Variants in RSPO2 observed in about 807,000 individuals in gnomAD.
RSPO2 encodes the protein R-spondin 2.
In RSPO2, 14 loss-of-function variants were observed where a neutral mutation model predicts 30.9. The ratio of observed to expected loss-of-function variants is 0.45; its 90% CI spans 0.30 to 0.71. The LOEUF (loss-of-function observed/expected upper bound fraction) is 0.71. Among genes scored for constraint, RSPO2 ranks in the 30% least tolerant of loss-of-function variants. The pLI, the probability that RSPO2 is intolerant of heterozygous loss-of-function variation, is 0.08. For missense variants in RSPO2, 264 were observed against 301.9 expected, an observed-to-expected ratio of 0.87 and a Z score of 0.93; for synonymous variants, 107 against 96.4, an observed-to-expected ratio of 1.11 and a Z score of -0.64.
At chr8:107,991,542 A>C (rs1814848971) in intron 2 of RSPO2, among the ~76,000 whole-genome samples, 1 of 152,218 alleles carries the variant, frequency 6.6e-6, no homozygotes, top group South Asian at 2.1e-4. Flanking sequence ...AAAAGCAAAA[A>C]TTGATAAGTG....
intron 3 of RSPO2, among the ~76,000 whole-genome samples, chr8:107,981,405 C>T (rs1208962675): frequency 6.6e-6 from 1 of 151,878 alleles, no homozygotes; most frequent in East Asian, 1.9e-4. Context: ...CCTGTAGTCC[C>T]AGCTACTTGG....
At chr8:107,921,484 T>A (rs939040112) in intron 5 of RSPO2, among the ~76,000 whole-genome samples, 1 of 152,120 alleles carries the variant, frequency 6.6e-6, no homozygotes, top group African/African-American at 2.4e-5. Flanking sequence ...ATCTAAGTAC[T>A]GAAAGTAACT....
chr8:107,977,846 G>A (rs1350353447), intron 3 of RSPO2, among the ~76,000 whole-genome samples: 1 of 151,674 alleles, frequency 6.6e-6, no homozygotes, highest in African/African-American at 2.4e-5. Context: ...AATATTCCTG[G>A]TAACATCTGT....
In RSPO2 at chr8:107,945,409, G is replaced by C. The variant is rs1048756454; in HGVS notation, c.616+12671C>G. On this transcript the variant is annotated intron_variant, in intron 5 of 5. Coordinates refer to ENST00000276659, the MANE Select transcript of RSPO2 (RefSeq NM_178565.5). ...GACTACAGGCATCTGCCACCACGCC[G>C]GGCTAATTTTTTGTATTTTTAGTAG... is the stretch of plus-strand genomic sequence containing the variant. Among the ~76,000 whole-genome samples the C allele has an allele frequency of 2.0e-5, 3 of 151,232 alleles. 1 individual carries two copies. Among genetic ancestry groups the C allele is most frequent in the Non-Finnish European group, 3.0e-5 (2 of 67,788 alleles).
intron 2 of RSPO2, among the ~76,000 whole-genome samples, chr8:108,006,127 C>T (rs969262647): frequency 2.0e-5 from 3 of 151,948 alleles, no homozygotes; most frequent in Non-Finnish European, 2.9e-5. Context: ...TTTGTGTTTG[C>T]GGCCAAAGTT....
intron 2 of RSPO2, among the ~76,000 whole-genome samples, chr8:107,999,941 T>C (rs1042887865): frequency 6.6e-6 from 1 of 152,166 alleles, no homozygotes; most frequent in African/African-American, 2.4e-5. Context: ...CTGGATTAAC[T>C]ATGGCCATAG....
intron 3 of RSPO2, among the ~76,000 whole-genome samples, chr8:107,981,221 T>C (rs909735787): frequency 1.3e-5 from 2 of 152,152 alleles, no homozygotes; most frequent in African/African-American, 2.4e-5. Context: ...TTAAATTACA[T>C]TATTCAAGAA....
intron 2 of RSPO2, among the ~76,000 whole-genome samples, chr8:108,061,335 G>A (rs1053087619): frequency 1.3e-5 from 2 of 151,690 alleles, no homozygotes; most frequent in Non-Finnish European, 2.9e-5. Flanking sequence ...AAGGGATGGA[G>A]GAAGATCTAC....
At chr8:107,921,075 T>C (rs1201512335) in intron 5 of RSPO2, among the ~76,000 whole-genome samples, 3 of 152,098 alleles carry the variant, frequency 2.0e-5, no homozygotes, top group African/African-American at 7.2e-5. Context: ...TGCAGATTTA[T>C]GTATATAATT....
chr8:108,074,589 A>G (rs531211290), intron 2 of RSPO2, among the ~76,000 whole-genome samples: 7 of 152,300 alleles, frequency 4.6e-5, no homozygotes, highest in African/African-American at 1.7e-4. Flanking sequence ...GTTATTTAAT[A>G]TTCATTACTT....
At chr8:108,038,757 G>GT (rs58167448) in intron 2 of RSPO2, among the ~76,000 whole-genome samples, 2,723 of 145,016 alleles carry the variant, frequency 0.019, 44 homozygotes, top group African/African-American at 0.043. Flanking sequence ...TTGTTAGTGG[G>GT]TTTTTTTTTT....
At chr8:108,065,909 G>A (rs1189923724) in intron 2 of RSPO2, among the ~76,000 whole-genome samples, 1 of 152,060 alleles carries the variant, frequency 6.6e-6, no homozygotes, top group East Asian at 1.9e-4. Flanking sequence ...ATGGTGGTGG[G>A]TGCCTGTAAT....
intron 2 of RSPO2, among the ~76,000 whole-genome samples, chr8:108,036,293 C>T (rs967547174): frequency 3.9e-5 from 6 of 152,142 alleles, no homozygotes; most frequent in East Asian, 1.9e-4. Flanking sequence ...AAATCTATTC[C>T]GCCTGTGTGC....
At chr8:108,051,436 T>C (rs62535502) in intron 2 of RSPO2, among the ~76,000 whole-genome samples, 7 of 152,214 alleles carry the variant, frequency 4.6e-5, no homozygotes, top group Non-Finnish European at 8.8e-5. Flanking sequence ...GGCTGCTTTC[T>C]GCAGTGTCAG....
chr8:108,057,851 C>T (rs190496421), intron 2 of RSPO2, among the ~76,000 whole-genome samples: 1 of 152,144 alleles, frequency 6.6e-6, no homozygotes, highest in African/African-American at 2.4e-5. Flanking sequence ...GCTGAAGTTG[C>T]TTATCAGCTT....
chr8:107,996,829 A>G (rs1586612376), intron 2 of RSPO2: 32 of 400,392 alleles, frequency 8.0e-5, no homozygotes, highest in South Asian at 5.9e-4. Context: ...GCATTTTTTA[A>G]AAAAGGTATT....
chr8:108,005,981 G>C (rs1419772240), intron 2 of RSPO2, among the ~76,000 whole-genome samples: 2 of 152,130 alleles, frequency 1.3e-5, no homozygotes, highest in African/African-American at 4.8e-5. Flanking sequence ...CTCAATACTT[G>C]AATACAAGGA....
chr8:107,965,146 TC>T (rs1244941465), intron 3 of RSPO2, among the ~76,000 whole-genome samples: 2 of 152,206 alleles, frequency 1.3e-5, no homozygotes, highest in Non-Finnish European at 2.9e-5. Flanking sequence ...GGGTTTTAAG[TC>T]CTCGTTCAAA....
At chr8:108,027,812 C>T (rs555860379) in intron 2 of RSPO2, among the ~76,000 whole-genome samples, 1 of 152,258 alleles carries the variant, frequency 6.6e-6, no homozygotes, top group African/African-American at 2.4e-5. Context: ...ATTAAACAGT[C>T]CCCGAGCTTC....
Sources: allele counts gnomAD v4.1 joint callset (sites outside exome capture counted in the v4.1 genomes callset), GRCh38; gene constraint gnomAD v4.1.1; transcripts MANE v1.5; gene names NCBI Gene and HGNC (gene_info 2026-07-23, HGNC 2026-07-21).